GUCY1A2: variants seen among roughly 807,000 people sequenced by gnomAD.
GUCY1A2 encodes the protein guanylate cyclase 1 soluble subunit alpha 2, also known as guanylate cyclase soluble subunit alpha-2.
GUCY1A2 carries 27 observed loss-of-function variants against 63.5 expected under a neutral mutation model. The observed-to-expected ratio is 0.43, with a 90% CI of 0.31 to 0.59. The LOEUF is 0.59. GUCY1A2 is among the 20% of genes least tolerant of loss of function. The pLI is 0.11. For synonymous variants in GUCY1A2, 364 were observed against 343.5 expected (o/e 1.06, Z -0.66); for missense variants, 768 against 913.3 (o/e 0.84, Z 2.05).
chr11:106,781,013 G>A (rs1483391782), intron 5 of GUCY1A2, among the ~76,000 whole-genome samples: 1 of 150,042 alleles, frequency 6.7e-6, no homozygotes, highest in African/African-American at 2.5e-5. Context: ...TTCATGAGGA[G>A]CAGGAAAAGT....
rs1428914533 is a variant in GUCY1A2, at chr11:106,684,986, T to A, written c.*2563A>T. The A allele has an allele frequency of 1.5e-5, 3 of 204,930 alleles. No homozygotes were observed. The highest frequency in any genetic ancestry group is 2.0e-5 in the Non-Finnish European group (2 of 100,192). The allele number at this position is 204,930 out of a possible 1,614,324, so 12.7% of individuals were successfully genotyped here. ...ATCTTCTAACTTCTGTGATTGAAGT[T>A]TGAATGAACAGACATTTTATATAGT... On this transcript the variant is annotated 3_prime_UTR_variant, in exon 8 of 8. Coordinates refer to ENST00000526355, the MANE Select transcript of GUCY1A2 (RefSeq NM_000855.3).
rs1862528249 is a variant in GUCY1A2 at position 106,686,492 on chromosome 11, G to T, written c.*1057C>A. ...GTCCTGACACTTCTTTGTCACTAATGCCAGTATCCAGGAATTTGTTCTCAA... is the reference window on the plus strand; with the variant it reads ...GTCCTGACACTTCTTTGTCACTAATTCCAGTATCCAGGAATTTGTTCTCAA... On this transcript the variant is annotated 3_prime_UTR_variant, in exon 8 of 8. Transcript: ENST00000526355. The T allele has an allele frequency of 4.6e-6, 1 of 216,678 alleles. No homozygotes were observed. The highest frequency in any genetic ancestry group is 2.3e-5 in the African/African-American group (1 of 44,420). 13.4% of individuals were successfully genotyped at this position (216,678 alleles called of 1,614,324 possible).
chr11:106,753,311 G>C (rs1863915775), intron 6 of GUCY1A2, among the ~76,000 whole-genome samples: 1 of 152,146 alleles, frequency 6.6e-6, no homozygotes, highest in South Asian at 2.1e-4. Flanking sequence ...CTCCCATTCT[G>C]TAGGTTGCCT....
chr11:106,764,991 G>T, intron 6 of GUCY1A2, among the ~76,000 whole-genome samples: 1 of 72,996 alleles, frequency 1.4e-5, no homozygotes, highest in Non-Finnish European at 2.9e-5. Flanking sequence ...TGGGGGGCAG[G>T]AATAAATAGT....
chr11:106,922,007 A>AC (rs1398126664), intron 4 of GUCY1A2, among the ~76,000 whole-genome samples: 1 of 152,104 alleles, frequency 6.6e-6, no homozygotes, highest in Non-Finnish European at 1.5e-5. Context: ...CATCAGCTCA[A>AC]CCCCCAAAAA....
At chr11:106,784,878 T>C (rs1333444196) in intron 5 of GUCY1A2, among the ~76,000 whole-genome samples, 1 of 152,196 alleles carries the variant, frequency 6.6e-6, no homozygotes, top group African/African-American at 2.4e-5. Context: ...TAAGGTGTGA[T>C]AAAGAGTCAT....
chr11:106,945,896 C>T (rs373066591), intron 3 of GUCY1A2, among the ~76,000 whole-genome samples: 99 of 152,176 alleles, frequency 6.5e-4, no homozygotes, highest in African/African-American at 2.2e-3. Flanking sequence ...ACCTGGGAGG[C>T]GGAGGTTGCA....
chr11:106,680,356 T>C lies in GUCY1A2; in HGVS notation c.*7193A>G, dbSNP rs547990160. 3 of 210,614 alleles carry C rather than the reference T, an allele frequency of 1.4e-5. No homozygotes were observed. Among genetic ancestry groups the C allele is most frequent in the South Asian group, 1.9e-4 (1 of 5,342 alleles). 13.0% of individuals were successfully genotyped at this position (210,614 alleles called of 1,614,324 possible). ...GTAGAATTCCTTCTTTATCTGCAAATAGCAAAAAGTCCACAGAAGAAGACT... is the reference window on the plus strand; with the variant it reads ...GTAGAATTCCTTCTTTATCTGCAAACAGCAAAAAGTCCACAGAAGAAGACT... On this transcript the variant is annotated 3_prime_UTR_variant, in exon 8 of 8. Coordinates refer to ENST00000526355, the MANE Select transcript of GUCY1A2 (RefSeq NM_000855.3).
intron 4 of GUCY1A2, among the ~76,000 whole-genome samples, chr11:106,890,877 T>C (rs1297745106): frequency 3.9e-5 from 6 of 152,210 alleles, no homozygotes; most frequent in African/African-American, 1.2e-4. Context: ...TGTTATACCC[T>C]ATTAAAGAGC....
At chr11:106,901,145 T>A (rs903628020) in intron 4 of GUCY1A2, among the ~76,000 whole-genome samples, 3 of 152,214 alleles carry the variant, frequency 2.0e-5, no homozygotes, top group Non-Finnish European at 4.4e-5. Flanking sequence ...TTTGTTGTCA[T>A]TTCAACAACG....
intron 4 of GUCY1A2, among the ~76,000 whole-genome samples, chr11:106,813,948 G>T (rs1858798065): frequency 6.6e-6 from 1 of 152,022 alleles, no homozygotes; most frequent in South Asian, 2.1e-4. Context: ...ATTTAGGGAG[G>T]TTAAGAGATT....
chr11:106,758,515 C>A lies in GUCY1A2; in HGVS notation c.1836+17924G>T, dbSNP rs549348247. Reference sequence around the variant, plus strand: ...GCCCTCCATAGGCTGCACCCACTGTCCAACCAGTCTCAATGAGATGAACCA... The same window carrying A: ...GCCCTCCATAGGCTGCACCCACTGTACAACCAGTCTCAATGAGATGAACCA... On this transcript the variant is annotated intron_variant, in intron 6 of 7. Transcript: ENST00000526355. 2.2e-3 allele frequency among the ~76,000 whole-genome samples: 339 copies of A among 152,306 alleles called. 9 individuals are homozygous for A. The highest frequency in any genetic ancestry group is 7.4e-3 in the African/African-American group (306 of 41,566).
chr11:106,691,608 G>T (rs1438091680), intron 7 of GUCY1A2, among the ~76,000 whole-genome samples: 2 of 152,224 alleles, frequency 1.3e-5, no homozygotes, highest in African/African-American at 4.8e-5. Flanking sequence ...AGCTGCTTCA[G>T]ATGTCAGAAC....
rs151164622 is a variant in GUCY1A2, at chr11:106,930,805, C to T, written c.1206+8655G>A. ...GAAAGTACTTCGGGGCTGGACACAG[C>T]GACCCATGCCTGTAAATCCCAGCAC... On this transcript the variant is annotated intron_variant, in intron 4 of 7. Coordinates refer to ENST00000526355, the MANE Select transcript of GUCY1A2 (RefSeq NM_000855.3). 2.8e-4 allele frequency among the ~76,000 whole-genome samples: 42 copies of T among 152,286 alleles called. No homozygotes were observed. The East Asian group carries it at 4.8e-3, about 17-fold the overall frequency.
rs776596355 is a variant in GUCY1A2 at position 107,017,866 on chromosome 11, C to CCGGGGT, written c.184_189dup (p.Thr62_Pro63dup). The CCGGGGT allele has an allele frequency of 9.8e-5, 123 of 1,251,406 alleles. No individual in the cohort carries two copies. The African/African-American group carries it at 1.1e-3, about 12-fold the overall frequency. 77.5% of individuals were successfully genotyped at this position (1,251,406 alleles called of 1,614,324 possible). Reference sequence around the variant, plus strand: ...GCAGCGGCGGCGGCGGCAGAAGCAGCCGGGGTCGGGGCCGGGGCGGCGGCA... The same window carrying CCGGGGT: ...GCAGCGGCGGCGGCGGCAGAAGCAGCCGGGGTCGGGGTCGGGGCCGGGGCGGCGGCA... On this transcript the variant is annotated inframe_insertion, in exon 1 of 8. Coordinates refer to ENST00000526355, the MANE Select transcript of GUCY1A2 (RefSeq NM_000855.3).
At chr11:107,004,161 A>C (rs1861643176) in intron 1 of GUCY1A2, among the ~76,000 whole-genome samples, 1 of 152,200 alleles carries the variant, frequency 6.6e-6, no homozygotes, top group African/African-American at 2.4e-5. Context: ...TCATTACTAA[A>C]GGGGCATCTA....
chr11:106,898,894 C>A (rs1860087865), intron 4 of GUCY1A2, among the ~76,000 whole-genome samples: 1 of 152,048 alleles, frequency 6.6e-6, no homozygotes, highest in Non-Finnish European at 1.5e-5. Flanking sequence ...TGAATTGTAA[C>A]AAATGTATCA....
chr11:106,821,089 G>A (rs1400512997), intron 4 of GUCY1A2, among the ~76,000 whole-genome samples: 1 of 152,066 alleles, frequency 6.6e-6, no homozygotes, highest in Non-Finnish European at 1.5e-5. Flanking sequence ...ATGATTAGAT[G>A]CCACTTTTCT....
At chr11:106,908,636 C>G (rs558257703) in intron 4 of GUCY1A2, among the ~76,000 whole-genome samples, 1 of 151,998 alleles carries the variant, frequency 6.6e-6, no homozygotes, top group African/African-American at 2.4e-5. Context: ...ACTCAATTAT[C>G]CTATTTAGAG....
Sources: allele counts gnomAD v4.1 joint callset (sites outside exome capture counted in the v4.1 genomes callset), GRCh38; gene constraint gnomAD v4.1.1; transcripts MANE v1.5; gene names NCBI Gene and HGNC (gene_info 2026-07-23, HGNC 2026-07-21).